Variants in NSD3 observed in about 807,000 individuals in gnomAD.
NSD3 encodes histone-lysine N-methyltransferase NSD3.
In NSD3, 24 loss-of-function variants were observed where a neutral mutation model predicts 160.8. The ratio of observed to expected loss-of-function variants is 0.15; its 90% CI spans 0.11 to 0.21. The LOEUF is 0.21. Ranked by LOEUF, NSD3 falls within the 10% of genes least tolerant of loss-of-function variation. The probability of loss-of-function intolerance (pLI) is 1.00; values close to 1 mark genes in which losing one functional copy is unlikely to be tolerated. For synonymous variants in NSD3, 520 were observed against 600.0 expected, an observed-to-expected ratio of 0.87 and a Z score of 1.95; for missense variants, 1,157 against 1,735.9, an observed-to-expected ratio of 0.67 and a Z score of 5.93.
At position 38,275,604 on chromosome 8, in the gene NSD3, T is replaced by C. The variant is rs1426105363; in HGVS notation, c.*37A>G. The C allele has an allele frequency of 6.3e-7, 1 of 1,580,290 alleles. No individual in the cohort carries two copies. Among genetic ancestry groups the C allele is most frequent in the Non-Finnish European group, 8.6e-7 (1 of 1,158,754 alleles). ...TTTTTAAATGCATGATCTATTTGCT[T>C]TTTTCACTTAAATAGAAAGGAGGGG... On this transcript the variant is annotated 3_prime_UTR_variant, in exon 24 of 24. Coordinates refer to ENST00000317025, the MANE Select transcript of NSD3 (RefSeq NM_023034.2).
At chr8:38,378,518 T>C (rs944070257) in intron 1 of NSD3, among the ~76,000 whole-genome samples, 2 of 152,106 alleles carry the variant, frequency 1.3e-5, no homozygotes, top group Non-Finnish European at 2.9e-5. Flanking sequence ...GGCGGGCGCC[T>C]GTAGTCCCAG....
At chr8:38,289,682 T>C (rs1808953258) in intron 17 of NSD3, among the ~76,000 whole-genome samples, 177 bp from the exon 18 acceptor site, 1 of 152,214 alleles carries the variant, frequency 6.6e-6, no homozygotes, top group Admixed American at 6.5e-5. Flanking sequence ...AAATAGGATA[T>C]AACTCACTGA....
chr8:38,297,789 T>A (rs1809189194), intron 15 of NSD3, among the ~76,000 whole-genome samples: 1 of 152,154 alleles, frequency 6.6e-6, no homozygotes, highest in African/African-American at 2.4e-5. Context: ...AGGGAATTTG[T>A]CTATAAATTT....
intron 11 of NSD3, 98 bp from the exon 12 acceptor site, chr8:38,314,871 A>C (rs966341214): frequency 1.7e-5 from 23 of 1,337,414 alleles, no homozygotes; most frequent in Non-Finnish European, 2.2e-5. Context: ...CCTCACCCAC[A>C]GACTGTGATT....
chr8:38,321,019 G>T lies in NSD3; in HGVS notation c.1809+53C>A, dbSNP rs748637058. The T allele has an allele frequency of 5.3e-6, 8 of 1,519,456 alleles. No homozygotes were observed. In the African/African-American group the frequency reaches 9.6e-5, roughly 18 times the overall value. The allele number at this position is 1,519,456 out of a possible 1,614,324, so 94.1% of individuals were successfully genotyped here. On this transcript the variant is annotated intron_variant, in intron 8 of 23. Coordinates refer to ENST00000317025, the MANE Select transcript of NSD3 (RefSeq NM_023034.2). The surrounding 1 kb of genome is among the most constrained non-coding windows in gnomAD (Gnocchi z 4.7). Reference sequence around the variant, plus strand: ...TCTTTCTTTTAAGACAGGAATGTAAGCCACAACATTTACAAATACAATGTT... The same window carrying T: ...TCTTTCTTTTAAGACAGGAATGTAATCCACAACATTTACAAATACAATGTT...
intron 8 of NSD3, chr8:38,320,530 A>G (rs943555711): frequency 6.6e-6 from 1 of 152,160 alleles, no homozygotes; most frequent in African/African-American, 2.4e-5. Context: ...TTTTACCTAA[A>G]TATTATTTAT....
At chr8:38,365,107 T>C (rs776918460) in intron 1 of NSD3, among the ~76,000 whole-genome samples, 9 of 152,208 alleles carry the variant, frequency 5.9e-5, no homozygotes, top group Non-Finnish European at 7.3e-5. Context: ...TTAGTATATA[T>C]TGTATGTCTG....
At chr8:38,325,193 C>T (rs541519523) in intron 7 of NSD3, among the ~76,000 whole-genome samples, 122 of 152,248 alleles carry the variant, frequency 8.0e-4, no homozygotes, top group African/African-American at 2.8e-3. Flanking sequence ...TAGGATTGAG[C>T]GCTTAACCTG....
chr8:38,293,857 G>A (rs1809067006), intron 16 of NSD3, among the ~76,000 whole-genome samples: 2 of 148,532 alleles, frequency 1.3e-5, no homozygotes, highest in Admixed American at 6.7e-5. Context: ...TGGGAGGTGG[G>A]GGTTACAGTG....
chr8:38,343,492 C>A (rs890476087), intron 2 of NSD3, among the ~76,000 whole-genome samples: 1 of 152,068 alleles, frequency 6.6e-6, no homozygotes, highest in Non-Finnish European at 1.5e-5. Context: ...ACCCTAAGGT[C>A]AGGGGTTCGC....
chr8:38,313,514 A>C (rs192813704), intron 12 of NSD3, among the ~76,000 whole-genome samples: 6 of 152,266 alleles, frequency 3.9e-5, no homozygotes, highest in Admixed American at 3.9e-4. Context: ...AACATTTAGT[A>C]AGTCAGTGTT....
At chr8:38,282,506 A>C (rs765927286) in intron 19 of NSD3, among the ~76,000 whole-genome samples, 1 of 152,178 alleles carries the variant, frequency 6.6e-6, no homozygotes, top group Non-Finnish European at 1.5e-5. Flanking sequence ...CACTGTCTCT[A>C]CTAAGAATAC....
intron 1 of NSD3, among the ~76,000 whole-genome samples, chr8:38,362,809 C>T (rs1046772098): frequency 1.3e-5 from 2 of 152,206 alleles, no homozygotes; most frequent in Non-Finnish European, 2.9e-5. Context: ...TCACTATGAA[C>T]AGCGTAAGAG....
intron 1 of NSD3, among the ~76,000 whole-genome samples, chr8:38,376,627 G>GA (rs1811394807): frequency 6.6e-6 from 1 of 152,022 alleles, no homozygotes; most frequent in Non-Finnish European, 1.5e-5. Flanking sequence ...AGTAGAGACG[G>GA]GGTTTCACCA....
Position 38,275,314 on chromosome 8 carries a change from T to C in NSD3, c.*327A>G, listed in dbSNP as rs998465879. ...GAACACATCTTAGACTTTAAATTTA[T>C]CTCATTAACAAAACTTACTTTTCTC... On this transcript the variant is annotated 3_prime_UTR_variant, in exon 24 of 24. Coordinates refer to ENST00000317025, the MANE Select transcript of NSD3 (RefSeq NM_023034.2). 9.9e-6 allele frequency: 3 copies of C among 302,818 alleles called. No homozygotes were observed. The highest frequency in any genetic ancestry group is 6.4e-5 in the African/African-American group (3 of 46,978). 18.8% of individuals were successfully genotyped at this position (302,818 alleles called of 1,614,324 possible). A position where few individuals can be genotyped will look rare whatever the true frequency, so the allele number is the denominator to read the frequency against.
rs143126287 is a variant in NSD3, at chr8:38,328,273, C to T, written c.1581+1105G>A. ...AAAGATCAGTTTTATCTTGAATTTC[C>T]TTTAAATAGCATTCTTTGGGGTGGT... On this transcript the variant is annotated intron_variant, in intron 6 of 23. Coordinates refer to ENST00000317025, the MANE Select transcript of NSD3 (RefSeq NM_023034.2). Among the ~76,000 whole-genome samples the T allele has an allele frequency of 6.9e-3, 1,050 of 152,196 alleles. 8 individuals are homozygous for T. The highest frequency in any genetic ancestry group is 0.011 in the Non-Finnish European group (722 of 68,000).
chr8:38,338,696 G>T (rs2150379383), intron 2 of NSD3, 89 bp from the exon 3 acceptor site: 2 of 1,060,552 alleles, frequency 1.9e-6, no homozygotes, highest in East Asian at 4.7e-5. Flanking sequence ...AAGAATCAAA[G>T]AAAACTAAAT....
intron 15 of NSD3, 99 bp downstream of exon 15, chr8:38,299,345 C>T: frequency 1.5e-6 from 2 of 1,303,924 alleles, no homozygotes; most frequent in Non-Finnish European, 2.0e-6. Flanking sequence ...CCAAAAGCAA[C>T]AGATGGTGCT....
intron 19 of NSD3, 66 bp from the exon 20 acceptor site, chr8:38,281,649 C>A: frequency 1.1e-6 from 1 of 934,556 alleles, no homozygotes; most frequent in South Asian, 2.0e-5. Flanking sequence ...CTTAATGACA[C>A]ATGTATAACC....
Sources: gnomAD v4.1 joint callset for allele counts (sites outside exome capture counted in the v4.1 genomes callset) on GRCh38, gnomAD v4.1.1 for gene constraint, Gnocchi (gnomAD v3.1) non-coding constraint, MANE v1.5 for transcripts, NCBI Gene and HGNC (gene_info 2026-07-23, HGNC 2026-07-21) for gene names.